SUN3: variants seen among roughly 807,000 people sequenced by gnomAD.
The protein encoded by SUN3 is SUN domain-containing protein 3.
SUN3 carries 36 observed loss-of-function variants against 48.2 expected under a neutral mutation model. The ratio of observed to expected loss-of-function variants is 0.75; its 90% CI spans 0.57 to 0.99. The LOEUF is 0.99. Among genes scored for constraint, SUN3 ranks in the 50% least tolerant of loss-of-function variants. The pLI, the probability that SUN3 is intolerant of heterozygous loss-of-function variation, is 0.00. For missense variants in SUN3, 419 were observed against 433.1 expected (o/e 0.97, Z 0.29); for synonymous variants, 148 against 147.9 (o/e 1.00, Z 0.00).
intron 3 of SUN3, among the ~76,000 whole-genome samples, chr7:48,009,677 G>A (rs1789628823): frequency 1.3e-5 from 2 of 152,156 alleles, no homozygotes; most frequent in Non-Finnish European, 2.9e-5. Context: ...GGTCTTGGTG[G>A]TGCCCAAACC....
At chr7:48,028,661 G>C (rs7357251) in intron 1 of SUN3, among the ~76,000 whole-genome samples, 156 bp downstream of exon 1, 55,028 of 151,898 alleles carry the variant, frequency 0.36, 10,422 homozygotes, top group Middle Eastern at 0.54. Flanking sequence ...AGACTGTGAT[G>C]AAGAGAAACC....
intron 8 of SUN3, among the ~76,000 whole-genome samples, chr7:47,993,234 TAC>T (rs1160756975): frequency 1.4e-4 from 21 of 152,154 alleles, no homozygotes; most frequent in African/African-American, 5.1e-4. Context: ...AAAAAGATAA[TAC>T]AGTCTTCTAG....
chr7:48,026,752 A>G (rs1340140459), intron 1 of SUN3, among the ~76,000 whole-genome samples: 3 of 152,188 alleles, frequency 2.0e-5, no homozygotes, highest in Admixed American at 2.0e-4. Context: ...AAGAGAGACC[A>G]GAACTTTTTC....
intron 2 of SUN3, among the ~76,000 whole-genome samples, chr7:48,019,273 A>G (rs1252442497): frequency 6.6e-6 from 1 of 152,076 alleles, no homozygotes; most frequent in African/African-American, 2.4e-5. Flanking sequence ...AGAAATAAAT[A>G]AAACCTATGG....
intron 5 of SUN3, 151 bp downstream of exon 5, chr7:48,007,014 G>A: frequency 1.4e-6 from 1 of 693,996 alleles, no homozygotes; most frequent in Non-Finnish European, 2.2e-6. Flanking sequence ...CTGGGTTTCT[G>A]TACACAAACC....
Position 47,990,932 on chromosome 7 carries a change from A to G in SUN3, c.862-2052T>C, listed in dbSNP as rs987869265. The G allele has an allele frequency of 2.8e-4, 110 of 399,814 alleles. 1 individual carries two copies. The highest frequency in any genetic ancestry group is 4.9e-4 in the Non-Finnish European group (105 of 212,526). 24.8% of individuals were successfully genotyped at this position (399,814 alleles called of 1,614,324 possible). A position where few individuals can be genotyped will look rare whatever the true frequency, so the allele number is the denominator to read the frequency against. On this transcript the variant is annotated intron_variant, in intron 8 of 9. Coordinates refer to ENST00000297325, the MANE Select transcript of SUN3 (RefSeq NM_001030019.2). ...ACATGAACACAAAGCGGAGCAACAGACACTGAGATCTACTTGAGGGTGGGG... is the reference window on the plus strand; with the variant it reads ...ACATGAACACAAAGCGGAGCAACAGGCACTGAGATCTACTTGAGGGTGGGG...
chr7:48,005,715 C>A (rs1294822957), intron 6 of SUN3, among the ~76,000 whole-genome samples: 1 of 151,878 alleles, frequency 6.6e-6, no homozygotes, highest in Non-Finnish European at 1.5e-5. Flanking sequence ...ACTGTGGCAT[C>A]TTGGCTTTCT....
At chr7:48,003,615 T>C (rs770524228) in intron 6 of SUN3, among the ~76,000 whole-genome samples, 2 of 152,232 alleles carry the variant, frequency 1.3e-5, no homozygotes, top group Non-Finnish European at 2.9e-5. Flanking sequence ...TTTGTAGAGA[T>C]CTTTCACCTC....
chr7:47,993,933 A>G (rs983665358), intron 8 of SUN3, among the ~76,000 whole-genome samples: 1 of 151,456 alleles, frequency 6.6e-6, no homozygotes, highest in African/African-American at 2.5e-5. Context: ...GGATGTCATA[A>G]TCAAAACTGA....
intron 2 of SUN3, among the ~76,000 whole-genome samples, chr7:48,018,032 G>A (rs1054883986): frequency 2.6e-5 from 4 of 152,198 alleles, no homozygotes; most frequent in African/African-American, 4.8e-5. Flanking sequence ...CATATACTAG[G>A]AAGCAGAGAA....
In SUN3 at chr7:48,002,362, T is replaced by G. The variant is rs948151499; in HGVS notation, c.577+3607A>C. Among the ~76,000 whole-genome samples the G allele has an allele frequency of 3.6e-4, 47 of 131,184 alleles. 1 individual carries two copies. The highest frequency in any genetic ancestry group is 5.6e-4 in the Non-Finnish European group (38 of 67,660). The allele number at this position is 131,184 out of a possible 152,430, so 86.1% of individuals were successfully genotyped here. The stretch of plus-strand genomic sequence containing the variant: ...TTTAGTAGAGATGGGGTTTCACCGT[T>G]TTAGCCAGGATGGTCTCGATCTCCT... On this transcript the variant is annotated intron_variant, in intron 6 of 9. Coordinates refer to ENST00000297325, the MANE Select transcript of SUN3 (RefSeq NM_001030019.2).
chr7:48,035,507 C>T, the SUN3 span: 1 of 697,366 alleles, frequency 1.4e-6, no homozygotes, highest in Non-Finnish European at 2.6e-6. This position sits in a 1 kb window ranked among gnomAD's most constrained non-coding sequence, Gnocchi z 4.0. Context: ...GCCCTGGCGA[C>T]GCCGATGTTG....
upstream of SUN3, among the ~76,000 whole-genome samples, chr7:48,032,225 T>C (rs12535580): frequency 0.35 from 53,545 of 152,078 alleles, 10,098 homozygotes; most frequent in Middle Eastern, 0.52. Flanking sequence ...TTGTATTGTA[T>C]ACTTGAAATG....
intron 9 of SUN3, among the ~76,000 whole-genome samples, chr7:47,988,131 A>G: frequency 6.6e-6 from 1 of 152,182 alleles, no homozygotes; most frequent in Non-Finnish European, 1.5e-5. Flanking sequence ...AAGCTCTACA[A>G]ATATGCTCAT....
chr7:48,001,893 C>T (rs1321969047), intron 6 of SUN3, among the ~76,000 whole-genome samples: 1 of 152,134 alleles, frequency 6.6e-6, no homozygotes, highest in Non-Finnish European at 1.5e-5. Flanking sequence ...ATGCATATAT[C>T]TTTATAACAC....
At chr7:48,025,823 A>G in intron 2 of SUN3, 54 bp downstream of exon 2, 1 of 1,226,710 alleles carries the variant, frequency 8.2e-7, no homozygotes, top group South Asian at 1.3e-5. Flanking sequence ...CTCTCTCACC[A>G]GGCAGACATA....
In SUN3 at chr7:47,996,066, G is replaced by A. The variant is rs199770448; in HGVS notation, c.658C>T (p.Leu220=). 1.2e-4 allele frequency: 195 copies of A among 1,585,574 alleles called. No homozygotes were observed. Among genetic ancestry groups the A allele is most frequent in the Non-Finnish European group, 1.6e-4 (189 of 1,170,076 alleles). ...AKLYWHGIGF[L]NHEMPPDIIL... Reference sequence around the variant, plus strand: ...ATATCTGGAGGCATTTCATGATTTAGGAAACCTATCCCATGCCAGTACAAT... The same window carrying A: ...ATATCTGGAGGCATTTCATGATTTAAGAAACCTATCCCATGCCAGTACAAT... Residue 220 remains leucine (L), a synonymous_variant, in exon 7 of 10, where the codon CTA becomes TTA. Coordinates refer to ENST00000297325, the MANE Select transcript of SUN3 (RefSeq NM_001030019.2).
chr7:47,987,685 C>T (rs1788939288), intron 9 of SUN3, among the ~76,000 whole-genome samples: 1 of 152,096 alleles, frequency 6.6e-6, no homozygotes, highest in Admixed American at 6.6e-5. Context: ...AGGCACACGC[C>T]ACCGCACCTA....
At chr7:48,003,470 A>G (rs1789444769) in intron 6 of SUN3, among the ~76,000 whole-genome samples, 1 of 152,248 alleles carries the variant, frequency 6.6e-6, no homozygotes, top group Non-Finnish European at 1.5e-5. Flanking sequence ...TAATAAGAAT[A>G]GCATTGGATC....
Sources: gnomAD v4.1 joint callset for allele counts (sites outside exome capture counted in the v4.1 genomes callset) on GRCh38, gnomAD v4.1.1 for gene constraint, Gnocchi (gnomAD v3.1) non-coding constraint, MANE v1.5 for transcripts, NCBI Gene and HGNC (gene_info 2026-07-23, HGNC 2026-07-21) for gene names.